The following WASF1 variants were observed in gnomAD, a reference collection of about 807,000 sequenced individuals.
WASF1 encodes the protein actin-binding protein WASF1.
WASF1 carries 7 observed loss-of-function variants against 50.5 expected under a neutral mutation model. The ratio of observed to expected loss-of-function variants is 0.14; its 90% confidence interval spans 0.08 to 0.26. The LOEUF (loss-of-function observed/expected upper bound fraction) is 0.26. Ranked by LOEUF, WASF1 falls within the 10% of genes least tolerant of loss-of-function variation. WASF1 has a pLI of 1.00. For missense variants in WASF1, 470 were observed against 694.7 expected, an observed-to-expected ratio of 0.68 and a Z score of 3.64; for synonymous variants, 205 against 244.0, an observed-to-expected ratio of 0.84 and a Z score of 1.49.
intron 2 of WASF1, among the ~76,000 whole-genome samples, chr6:110,168,671 A>G (rs988068095): frequency 7.9e-5 from 12 of 152,048 alleles, no homozygotes; most frequent in African/African-American, 2.9e-4. Flanking sequence ...ATCTCTCTCG[A>G]GTACTCCACT....
intron 3 of WASF1, among the ~76,000 whole-genome samples, chr6:110,132,675 T>C (rs1774736863): frequency 6.6e-6 from 1 of 151,792 alleles, no homozygotes; most frequent in African/African-American, 2.4e-5. Context: ...TAGTCTTTTA[T>C]CCCTCTCCGT....
At chr6:110,138,708 G>A (rs1562177485) in intron 3 of WASF1, among the ~76,000 whole-genome samples, 1 of 152,190 alleles carries the variant, frequency 6.6e-6, no homozygotes, top group Non-Finnish European at 1.5e-5. Flanking sequence ...CCTGCAGCTA[G>A]TAGTCCCAAT....
intron 2 of WASF1, among the ~76,000 whole-genome samples, chr6:110,169,022 T>C (rs775894203): frequency 6.6e-6 from 1 of 152,106 alleles, no homozygotes; most frequent in Non-Finnish European, 1.5e-5. Context: ...AACAGTCATA[T>C]TAAGAATGCA....
At chr6:110,103,354 C>A (rs1325285436) in intron 9 of WASF1, 24 bp downstream of exon 9, 2 of 1,603,198 alleles carry the variant, frequency 1.2e-6, no homozygotes, top group Non-Finnish European at 1.7e-6. Flanking sequence ...TAAGATAAAA[C>A]ATCATATGCT....
chr6:110,154,854 A>T (rs573329610), intron 3 of WASF1, among the ~76,000 whole-genome samples: 1 of 152,262 alleles, frequency 6.6e-6, no homozygotes, highest in East Asian at 1.9e-4. Context: ...TGAAATGCAA[A>T]GACTAAAAGG....
At position 110,127,494 on chromosome 6, in the gene WASF1, A is replaced by G. The variant is rs752985445; in HGVS notation, c.108T>C (p.Asn36=). The G allele has an allele frequency of 6.2e-7, 1 of 1,603,748 alleles. No individual in the cohort carries two copies. The highest frequency in any genetic ancestry group is 8.5e-7 in the Non-Finnish European group (1 of 1,175,544). The stretch of plus-strand genomic sequence containing the variant: ...TTAGGCTACTTAGTTGTCTAATTAT[A>G]TTTGCCAAGGAAATATTGGTTACAC... ...LECVTNISLA[N]IIRQLSSLSK... Residue 36 remains asparagine, a synonymous_variant, in exon 4 of 11, where the codon AAT becomes AAC. Coordinates refer to ENST00000392589, the MANE Select transcript of WASF1 (RefSeq NM_003931.3).
chr6:110,106,565 A>C (rs1462149664), intron 7 of WASF1, among the ~76,000 whole-genome samples: 3 of 152,266 alleles, frequency 2.0e-5, no homozygotes, highest in Admixed American at 6.5e-5. Context: ...ATTTTATTAG[A>C]AAGTGGAAAA....
intron 3 of WASF1, among the ~76,000 whole-genome samples, chr6:110,136,074 C>T (rs1406702786): frequency 6.6e-6 from 1 of 151,144 alleles, no homozygotes; most frequent in African/African-American, 2.4e-5. Flanking sequence ...TTAGTAGAGA[C>T]GGGGCTTCAC....
At chr6:110,105,352 C>T in intron 8 of WASF1, 55 bp downstream of exon 8, 1 of 1,515,600 alleles carries the variant, frequency 6.6e-7, no homozygotes, top group Non-Finnish European at 8.8e-7. Context: ...AGTACAGATA[C>T]TACAAATAAA....
intron 4 of WASF1, among the ~76,000 whole-genome samples, chr6:110,121,378 T>C (rs1429973314): frequency 6.6e-6 from 1 of 152,150 alleles, no homozygotes. Flanking sequence ...ACAAAGGATA[T>C]GAACAGGCAC....
At position 110,103,536 on chromosome 6, in the gene WASF1, A is replaced by G. The variant is rs1773185909; in HGVS notation, c.735T>C (p.His245=). Residue 245 remains histidine (H), a synonymous_variant, in exon 9 of 11, where the codon CAT becomes CAC. Coordinates refer to ENST00000392589, the MANE Select transcript of WASF1 (RefSeq NM_003931.3). ...FETRPQTYVD[H]MDGSYSLSAL... is the part of the protein sequence containing the mutation. Reference sequence around the variant, plus strand: ...CAGAAAGTGAGTAAGATCCATCCATATGATCCACGTATGTCTGAGGTCTAA... The same window carrying G: ...CAGAAAGTGAGTAAGATCCATCCATGTGATCCACGTATGTCTGAGGTCTAA... The G allele has an allele frequency of 6.2e-7, 1 of 1,613,340 alleles. No homozygotes were observed. The highest frequency in any genetic ancestry group is 1.3e-5 in the African/African-American group (1 of 74,904).
intron 4 of WASF1, among the ~76,000 whole-genome samples, chr6:110,120,913 C>A (rs1308332220): frequency 3.9e-5 from 6 of 152,052 alleles, no homozygotes; most frequent in Admixed American, 2.0e-4. Context: ...CTTTGACAAA[C>A]CTGACAAAAA....
intron 3 of WASF1, among the ~76,000 whole-genome samples, chr6:110,153,984 A>G (rs1180835003): frequency 6.6e-6 from 1 of 152,128 alleles, no homozygotes; most frequent in Non-Finnish European, 1.5e-5. Flanking sequence ...AGTAGGGAGA[A>G]GAAGAGTTGA....
intron 3 of WASF1, among the ~76,000 whole-genome samples, chr6:110,150,923 G>A (rs1406180962): frequency 1.3e-5 from 2 of 152,196 alleles, no homozygotes; most frequent in Non-Finnish European, 2.9e-5. Context: ...TGTAATCCCA[G>A]CTACTTGGGA....
chr6:110,109,620 C>A (rs942458113), intron 5 of WASF1, among the ~76,000 whole-genome samples: 1 of 150,062 alleles, frequency 6.7e-6, no homozygotes, highest in African/African-American at 2.5e-5. Flanking sequence ...GGCACGATCT[C>A]GGCTCACTGC....
chr6:110,171,373 T>C (rs1584037702), intron 2 of WASF1, among the ~76,000 whole-genome samples: 1 of 152,282 alleles, frequency 6.6e-6, no homozygotes, highest in East Asian at 1.9e-4. Context: ...TAATACTTTG[T>C]ATTAAGTGAA....
intron 2 of WASF1, among the ~76,000 whole-genome samples, chr6:110,176,506 T>A (rs1182045933): frequency 7.2e-5 from 11 of 152,080 alleles, no homozygotes; most frequent in Non-Finnish European, 1.2e-4. Flanking sequence ...CAAAGAACCT[T>A]GAAATTCATT....
At chr6:110,150,894 A>G (rs889191209) in intron 3 of WASF1, among the ~76,000 whole-genome samples, 1 of 151,948 alleles carries the variant, frequency 6.6e-6, no homozygotes, top group African/African-American at 2.4e-5. Flanking sequence ...AAAATTAGCC[A>G]GGCTTGGTGG....
chr6:110,155,710 G>A (rs1307017153), intron 3 of WASF1, among the ~76,000 whole-genome samples: 4 of 56,250 alleles, frequency 7.1e-5, no homozygotes, highest in Non-Finnish European at 1.0e-4. Flanking sequence ...CCCCTCCCCC[G>A]ACCCCACCAC....
Sources: gnomAD v4.1 joint callset for allele counts (sites outside exome capture counted in the v4.1 genomes callset) on GRCh38, gnomAD v4.1.1 for gene constraint, MANE v1.5 for transcripts, NCBI Gene and HGNC (gene_info 2026-07-23, HGNC 2026-07-21) for gene names.